YAP1: variants seen among roughly 807,000 people sequenced by gnomAD.
The protein encoded by YAP1 is transcriptional coactivator YAP1.
Under a neutral mutation model 56.9 loss-of-function variants are expected in YAP1, and 5 were observed. The ratio of observed to expected loss-of-function variants is 0.09; its 90% confidence interval spans 0.05 to 0.18. The LOEUF (loss-of-function observed/expected upper bound fraction) is 0.18. YAP1 is among the 10% of genes least tolerant of loss of function. The pLI is 1.00. For synonymous variants in YAP1, 265 were observed against 248.1 expected (o/e 1.07, Z -0.64); for missense variants, 539 against 651.8 (o/e 0.83, Z 1.88).
chr11:102,158,898 T>G (rs1946110688), intron 2 of YAP1, among the ~76,000 whole-genome samples: 1 of 152,190 alleles, frequency 6.6e-6, no homozygotes, highest in Admixed American at 6.5e-5. Context: ...AATCAAGAAT[T>G]TGAAGTGTGT....
intron 2 of YAP1, among the ~76,000 whole-genome samples, chr11:102,134,924 G>T (rs1336452739): frequency 1.3e-5 from 2 of 152,164 alleles, no homozygotes; most frequent in Non-Finnish European, 2.9e-5. Flanking sequence ...TTTTGCCCAG[G>T]TTGGAGTGCA....
Position 102,230,499 on chromosome 11 carries a change from C to T in YAP1, c.*559C>T, listed in dbSNP as rs892663678. 6.5e-6 allele frequency: 1 copy of T among 153,128 alleles called. No homozygotes were observed. The highest frequency in any genetic ancestry group is 2.4e-5 in the African/African-American group (1 of 41,414). The allele number at this position is 153,128 out of a possible 1,614,324, so 9.5% of individuals were successfully genotyped here. On this transcript the variant is annotated 3_prime_UTR_variant, in exon 9 of 9. Transcript: ENST00000282441. ...TTTACTTTCAGTATTTTCTTTTCCT[C>T]CTAGTGCTATCATTAGTCACATAAT... is the stretch of plus-strand genomic sequence containing the variant.
chr11:102,158,881 A>G (rs1276134491), intron 2 of YAP1, among the ~76,000 whole-genome samples: 1 of 152,238 alleles, frequency 6.6e-6, no homozygotes, highest in African/African-American at 2.4e-5. Context: ...TTGAAAATAA[A>G]ACACACAATC....
chr11:102,228,923 C>T (rs918821801), intron 8 of YAP1, among the ~76,000 whole-genome samples: 4 of 152,184 alleles, frequency 2.6e-5, no homozygotes, highest in African/African-American at 9.7e-5. Flanking sequence ...ATCCACACTA[C>T]CCCTCCTCTC....
chr11:102,209,129 A>G (rs78191400), intron 5 of YAP1, among the ~76,000 whole-genome samples: 11,552 of 152,260 alleles, frequency 0.076, 598 homozygotes, highest in East Asian at 0.22. Context: ...AGTAATCACA[A>G]TAAATTCAGT....
rs905680164 is a variant in YAP1 at position 102,207,590 on chromosome 11, GT to G, written c.984+1522del. 2.6e-5 allele frequency among the ~76,000 whole-genome samples: 4 copies of G among 151,308 alleles called. No homozygotes were observed. In the East Asian group the frequency reaches 7.7e-4, roughly 29 times the overall value. On this transcript the variant is annotated intron_variant, in intron 5 of 8. Coordinates refer to ENST00000282441, the MANE Select transcript of YAP1 (RefSeq NM_001130145.3). ...GGAGGCACCTAAAGGTCTGTTTTTT[GT>G]TTTTTGGGTTTTTTTTAGGGCTGTA...
At chr11:102,225,410 G>A (rs558846591) in intron 7 of YAP1, among the ~76,000 whole-genome samples, 36 of 152,060 alleles carry the variant, frequency 2.4e-4, no homozygotes, top group African/African-American at 5.8e-4. Context: ...GCTTGAACCC[G>A]GGAGGCAGAG....
intron 4 of YAP1, among the ~76,000 whole-genome samples, chr11:102,191,308 C>T (rs1948266906): frequency 6.6e-6 from 1 of 152,020 alleles, no homozygotes; most frequent in Non-Finnish European, 1.5e-5. Context: ...CCCTGGCCCG[C>T]TAAGTGCCAT....
In YAP1 at chr11:102,229,560, T is replaced by C. The variant is rs142923976; in HGVS notation, c.1277-142T>C. On this transcript the variant is annotated intron_variant, in intron 8 of 8. Coordinates refer to ENST00000282441, the MANE Select transcript of YAP1 (RefSeq NM_001130145.3). ...GTTATTTTGTTATCTGTGAGTTGTTTGACCTGATATAAATTCTAGGTATCA... is the reference window on the plus strand; with the variant it reads ...GTTATTTTGTTATCTGTGAGTTGTTCGACCTGATATAAATTCTAGGTATCA... 556 of 684,066 alleles carry C rather than the reference T, an allele frequency of 8.1e-4. 2 individuals are homozygous for C. In the African/African-American group the frequency reaches 9.4e-3, roughly 12 times the overall value. The allele number at this position is 684,066 out of a possible 1,614,324, so 42.4% of individuals were successfully genotyped here. A position where few individuals can be genotyped will look rare whatever the true frequency, so the allele number is the denominator to read the frequency against.
At chr11:102,189,886 A>G (rs73582091) in intron 4 of YAP1, among the ~76,000 whole-genome samples, 1,623 of 152,344 alleles carry the variant, frequency 0.011, 35 homozygotes, top group African/African-American at 0.038. Flanking sequence ...TTAAATATCT[A>G]TAAAAATTTT....
intron 2 of YAP1, among the ~76,000 whole-genome samples, chr11:102,115,719 T>G (rs1321549535): frequency 1.3e-5 from 2 of 152,226 alleles, no homozygotes; most frequent in Non-Finnish European, 2.9e-5. Flanking sequence ...CAAACTCATC[T>G]GCATGAGCAA....
chr11:102,133,735 G>A (rs61538959), intron 2 of YAP1, among the ~76,000 whole-genome samples: 76,664 of 152,096 alleles, frequency 0.5, 21,150 homozygotes, highest in South Asian at 0.67. Flanking sequence ...CTGCTGTTTT[G>A]TAGGAAGCCA....
In YAP1 at chr11:102,232,871, A is replaced by G. The variant is rs1298929170; in HGVS notation, c.*2931A>G. 2 of 152,544 alleles carry G rather than the reference A, an allele frequency of 1.3e-5. No homozygotes were observed. The highest frequency in any genetic ancestry group is 2.4e-5 in the African/African-American group (1 of 41,462). 9.4% of individuals were successfully genotyped at this position (152,544 alleles called of 1,614,324 possible). ...TTGTTGTAATAACTTTTCTAAATGT[A>G]GTGCCTTTAAAGGAAAAATGAACAC... On this transcript the variant is annotated 3_prime_UTR_variant, in exon 9 of 9. Coordinates refer to ENST00000282441, the MANE Select transcript of YAP1 (RefSeq NM_001130145.3).
chr11:102,148,302 TAAG>T (rs1945434463), intron 2 of YAP1, among the ~76,000 whole-genome samples: 1 of 152,180 alleles, frequency 6.6e-6, no homozygotes, highest in Non-Finnish European at 1.5e-5. Flanking sequence ...TGGGGGAGCC[TAAG>T]AAGATCATTG....
intron 6 of YAP1, among the ~76,000 whole-genome samples, chr11:102,213,915 T>C (rs1949539429): frequency 6.6e-6 from 1 of 152,010 alleles, no homozygotes; most frequent in South Asian, 2.1e-4. Flanking sequence ...CCATCTCTAC[T>C]AAAAACGGAA....
At chr11:102,134,596 A>G (rs1416656234) in intron 2 of YAP1, among the ~76,000 whole-genome samples, 1 of 151,372 alleles carries the variant, frequency 6.6e-6, no homozygotes, top group African/African-American at 2.4e-5. Flanking sequence ...CAGGTTAACC[A>G]CTCTCCAGGT....
intron 3 of YAP1, among the ~76,000 whole-genome samples, chr11:102,173,455 C>A (rs187180926): frequency 6.6e-6 from 1 of 152,274 alleles, no homozygotes; most frequent in Non-Finnish European, 1.5e-5. Flanking sequence ...TTTAAAGCTA[C>A]TTCCTTAGGT....
intron 2 of YAP1, among the ~76,000 whole-genome samples, chr11:102,145,240 A>AT (rs1309805253): frequency 6.6e-6 from 1 of 152,172 alleles, no homozygotes; most frequent in Non-Finnish European, 1.5e-5. Context: ...CTGCCTAATG[A>AT]TTGGAGTTCA....
intron 4 of YAP1, among the ~76,000 whole-genome samples, chr11:102,193,619 T>C (rs1412531557): frequency 6.6e-6 from 1 of 152,164 alleles, no homozygotes; most frequent in Non-Finnish European, 1.5e-5. Flanking sequence ...CAGTATTTCA[T>C]TGATGCAATT....
Sources: gnomAD v4.1 joint callset for allele counts (sites outside exome capture counted in the v4.1 genomes callset) on GRCh38, gnomAD v4.1.1 for gene constraint, MANE v1.5 for transcripts, NCBI Gene and HGNC (gene_info 2026-07-23, HGNC 2026-07-21) for gene names.